The following UBE3D variants were observed in gnomAD, a reference collection of about 807,000 sequenced individuals.
The protein encoded by UBE3D is ubiquitin protein ligase E3D.
UBE3D carries 48 observed loss-of-function variants against 49.6 expected under a neutral mutation model. The ratio of observed to expected loss-of-function variants is 0.97; its 90% CI spans 0.77 to 1.23. UBE3D has a LOEUF of 1.23. Among genes scored for constraint, UBE3D ranks in the 50% most tolerant of loss-of-function variants. The pLI, the probability that UBE3D is intolerant of heterozygous loss-of-function variation, is 0.00. For missense variants in UBE3D, 452 were observed against 468.4 expected (o/e 0.96, Z 0.32); for synonymous variants, 189 against 174.2 (o/e 1.08, Z -0.67).
At chr6:82,888,455 T>C (rs1489399333), downstream of UBE3D, among the ~76,000 whole-genome samples, 1 of 152,020 alleles carries the variant, frequency 6.6e-6, no homozygotes, top group Non-Finnish European at 1.5e-5. Context: ...TAAAAAGGGA[T>C]CAAATAAAAA....
intron 3 of UBE3D, among the ~76,000 whole-genome samples, chr6:83,051,407 G>C (rs1173071789): frequency 6.6e-6 from 1 of 152,086 alleles, no homozygotes; most frequent in Non-Finnish European, 1.5e-5. Context: ...AGAAAAAATG[G>C]GGGCAACAGA....
chr6:83,028,973 T>C (rs1444252618), intron 5 of UBE3D, among the ~76,000 whole-genome samples: 1 of 152,196 alleles, frequency 6.6e-6, no homozygotes, highest in East Asian at 1.9e-4. Context: ...CTATTAGAAG[T>C]TCACCTTAAT....
At position 82,917,728 on chromosome 6, in the gene UBE3D, C is replaced by T. The variant is rs957427639; in HGVS notation, c.1150-24686G>A. Among the ~76,000 whole-genome samples, 2 of 152,156 alleles carry T rather than the reference C, an allele frequency of 1.3e-5. 1 individual carries two copies. The highest frequency in any genetic ancestry group is 2.9e-5 in the Non-Finnish European group (2 of 68,038). On this transcript the variant is annotated intron_variant, in intron 9 of 9. Coordinates refer to ENST00000369747, the MANE Select transcript of UBE3D (RefSeq NM_198920.3). ...AGAGACTTAAGGCAGAAGTGGGAAA[C>T]CAGACAAAGACAAAGGCAGAGACTT...
intron 1 of UBE3D, among the ~76,000 whole-genome samples, chr6:83,058,742 C>T (rs1359250184): frequency 1.3e-5 from 2 of 152,184 alleles, no homozygotes; most frequent in Non-Finnish European, 2.9e-5. Context: ...AGAGGGTAGA[C>T]CATGTGCTCA....
At chr6:82,884,552 C>T in the UBE3D span, among the ~76,000 whole-genome samples, 2 of 152,140 alleles carry the variant, frequency 1.3e-5, no homozygotes, top group African/African-American at 4.8e-5. Context: ...GTCTACTCCC[C>T]TATGTTTGGC....
intron 4 of UBE3D, among the ~76,000 whole-genome samples, chr6:83,038,824 G>C (rs986300033): frequency 6.6e-6 from 1 of 151,732 alleles, no homozygotes; most frequent in Admixed American, 6.5e-5. Context: ...GGGCAACAAA[G>C]ACAGGGTTGA....
At chr6:82,983,263 AT>A (rs556501889) in intron 8 of UBE3D, among the ~76,000 whole-genome samples, 35 of 150,694 alleles carry the variant, frequency 2.3e-4, no homozygotes, top group Admixed American at 2.2e-3. Context: ...AAATTTACCC[AT>A]TTTTTGGCCA....
intron 9 of UBE3D, among the ~76,000 whole-genome samples, chr6:82,930,773 A>C (rs779543800): frequency 4.3e-4 from 66 of 152,198 alleles, no homozygotes; most frequent in Non-Finnish European, 9.1e-4. Context: ...GTTTAACAGG[A>C]AGCAGAGCAT....
chr6:82,887,627 T>C (rs1770911843), downstream of UBE3D, among the ~76,000 whole-genome samples: 2 of 151,136 alleles, frequency 1.3e-5, no homozygotes, highest in African/African-American at 2.4e-5. Flanking sequence ...GAGAATCACT[T>C]GAACCCAGGA....
intron 9 of UBE3D, among the ~76,000 whole-genome samples, chr6:82,948,493 A>G (rs147153927): frequency 6.6e-6 from 1 of 152,160 alleles, no homozygotes; most frequent in East Asian, 1.9e-4. Context: ...AGAATGGAAT[A>G]CCTCCAAACT....
chr6:82,886,976 T>C, the UBE3D span, among the ~76,000 whole-genome samples: 1 of 152,080 alleles, frequency 6.6e-6, no homozygotes, highest in Admixed American at 6.6e-5. Context: ...ATTCAGAGAA[T>C]TTATAGTGCC....
In UBE3D at chr6:82,947,355, TCAA is replaced by T. The variant is rs569680173; in HGVS notation, c.1149+9954_1149+9956del. ...TCCAATAAAATAATAACTGGAGACTTCAACACCCCACTTTCAGCATTCAACAGA... is the reference window on the plus strand; with the variant it reads ...TCCAATAAAATAATAACTGGAGACTTCACCCCACTTTCAGCATTCAACAGA... On this transcript the variant is annotated intron_variant, in intron 9 of 9. Transcript: ENST00000369747. 2.0e-3 allele frequency among the ~76,000 whole-genome samples: 297 copies of T among 152,092 alleles called. 3 individuals are homozygous for T. The highest frequency in any genetic ancestry group is 6.3e-3 in the African/African-American group (260 of 41,532).
At chr6:82,979,804 C>T (rs74859558) in intron 8 of UBE3D, among the ~76,000 whole-genome samples, 1 of 152,196 alleles carries the variant, frequency 6.6e-6, no homozygotes, top group Non-Finnish European at 1.5e-5. Flanking sequence ...TCCATGTACA[C>T]ACATTATTTA....
At chr6:82,946,044 AC>A (rs1195948058) in intron 9 of UBE3D, among the ~76,000 whole-genome samples, 1 of 152,204 alleles carries the variant, frequency 6.6e-6, no homozygotes, top group Non-Finnish European at 1.5e-5. Context: ...TTTAAGAGTT[AC>A]AGGCCTTAAA....
intron 3 of UBE3D, among the ~76,000 whole-genome samples, chr6:83,052,085 G>A (rs1368421383): frequency 6.6e-6 from 1 of 152,174 alleles, no homozygotes; most frequent in East Asian, 1.9e-4. Context: ...TGCTTGCCAC[G>A]TGCCAGGCAC....
At chr6:82,916,973 A>G (rs1374367744) in intron 9 of UBE3D, among the ~76,000 whole-genome samples, 1 of 152,180 alleles carries the variant, frequency 6.6e-6, no homozygotes, top group Non-Finnish European at 1.5e-5. Context: ...CTAAAAACGG[A>G]CACTGATAAT....
chr6:83,035,180 CAAAAAAAA>C, intron 5 of UBE3D, among the ~76,000 whole-genome samples: 1 of 137,806 alleles, frequency 7.3e-6, no homozygotes, highest in East Asian at 2.1e-4. Context: ...GACTATGTCT[CAAAAAAAA>C]AAAAAAAAAT....
intron 3 of UBE3D, among the ~76,000 whole-genome samples, chr6:83,044,980 T>C (rs1032404473): frequency 7.2e-5 from 11 of 152,178 alleles, no homozygotes; most frequent in Non-Finnish European, 1.5e-4. Context: ...ACATACTATA[T>C]CTTGCTTTTG....
chr6:82,898,929 A>G (rs1771533675), intron 9 of UBE3D, among the ~76,000 whole-genome samples: 1 of 152,164 alleles, frequency 6.6e-6, no homozygotes, highest in Non-Finnish European at 1.5e-5. Flanking sequence ...TGTTCCAGCC[A>G]CAGCGCACAC....
Sources: gnomAD v4.1 joint callset for allele counts (sites outside exome capture counted in the v4.1 genomes callset) on GRCh38, gnomAD v4.1.1 for gene constraint, MANE v1.5 for transcripts, NCBI Gene and HGNC (gene_info 2026-07-23, HGNC 2026-07-21) for gene names.